IMMP2L: variants seen among roughly 807,000 people sequenced by gnomAD.
IMMP2L encodes the protein inner mitochondrial membrane peptidase subunit 2.
Under a neutral mutation model 19.3 loss-of-function variants are expected in IMMP2L, and 18 were observed. The ratio of observed to expected loss-of-function variants is 0.93; its 90% CI spans 0.64 to 1.38. The LOEUF is 1.38. IMMP2L is among the 40% of genes most tolerant of loss of function. The pLI, the probability that IMMP2L is intolerant of heterozygous loss-of-function variation, is 0.00. For missense variants in IMMP2L, 233 were observed against 218.2 expected (o/e 1.07, Z -0.43); for synonymous variants, 76 against 73.0 (o/e 1.04, Z -0.21).
intron 3 of IMMP2L, among the ~76,000 whole-genome samples, chr7:111,333,685 CAGTGTAGCCAG>C (rs1826101490): frequency 6.6e-6 from 1 of 152,072 alleles, no homozygotes. Context: ...AATCAGCTGA[CAGTGTAGCCAG>C]AATAAAAGCA....
chr7:111,103,783 T>G (rs568438895), intron 3 of IMMP2L, among the ~76,000 whole-genome samples: 2 of 151,770 alleles, frequency 1.3e-5, no homozygotes, highest in South Asian at 2.1e-4. Context: ...TATTTAATTT[T>G]CACAACATTC....
chr7:111,392,709 G>A, intron 3 of IMMP2L: 1 of 455,362 alleles, frequency 2.2e-6, no homozygotes, highest in South Asian at 1.6e-5. Context: ...GTCCAACTTG[G>A]CTATAAAGTC....
chr7:111,178,056 A>G (rs1023766290), intron 3 of IMMP2L, among the ~76,000 whole-genome samples: 3 of 152,088 alleles, frequency 2.0e-5, no homozygotes, highest in Non-Finnish European at 4.4e-5. Context: ...GGACATATAC[A>G]TACTTTTAAG....
chr7:111,331,672 TA>T (rs1380522205), intron 3 of IMMP2L, among the ~76,000 whole-genome samples: 1 of 151,880 alleles, frequency 6.6e-6, no homozygotes, highest in African/African-American at 2.4e-5. Flanking sequence ...TTATACTCCA[TA>T]AATTTATACA....
chr7:110,679,482 C>G (rs758173342), intron 5 of IMMP2L, among the ~76,000 whole-genome samples: 60 of 152,082 alleles, frequency 3.9e-4, no homozygotes, highest in Non-Finnish European at 6.9e-4. Context: ...CATATATATA[C>G]ATGAGTGGAG....
In IMMP2L at chr7:111,115,835, C is replaced by A. The variant is rs145801222; in HGVS notation, c.240-152270G>T. Among the ~76,000 whole-genome samples the A allele has an allele frequency of 8.9e-4, 135 of 151,964 alleles. 3 individuals carry two copies. In the East Asian group the frequency reaches 0.025, roughly 28 times the overall value. ...GATGTGCACCACCAACTCTAGCACA[C>A]CTGGCTAATTTTTGTATTTTTACTA... On this transcript the variant is annotated intron_variant, in intron 3 of 5. Coordinates refer to ENST00000405709, the MANE Select transcript of IMMP2L (RefSeq NM_032549.4).
At chr7:111,337,511 A>G (rs892300218) in intron 3 of IMMP2L, among the ~76,000 whole-genome samples, 7 of 152,016 alleles carry the variant, frequency 4.6e-5, no homozygotes, top group African/African-American at 1.4e-4. Context: ...AAATGGACCA[A>G]TGAATGGGCA....
chr7:111,159,295 T>C (rs1264834586), intron 3 of IMMP2L, among the ~76,000 whole-genome samples: 1 of 152,050 alleles, frequency 6.6e-6, no homozygotes, highest in Non-Finnish European at 1.5e-5. Flanking sequence ...TTTGTATTTT[T>C]AGTAGAGATG....
intron 3 of IMMP2L, among the ~76,000 whole-genome samples, chr7:111,080,886 A>G (rs962865683): frequency 6.6e-6 from 1 of 152,222 alleles, no homozygotes; most frequent in African/African-American, 2.4e-5. Context: ...AGTAAGTTTC[A>G]GTATTAGAAT....
At chr7:111,012,085 G>C (rs1197968040) in intron 3 of IMMP2L, among the ~76,000 whole-genome samples, 2 of 152,056 alleles carry the variant, frequency 1.3e-5, no homozygotes, top group African/African-American at 2.4e-5. Context: ...TGGGAAAAAA[G>C]GTACAGGGAG....
At position 111,065,932 on chromosome 7, in the gene IMMP2L, G is replaced by A. The variant is rs562443779; in HGVS notation, c.240-102367C>T. 4.1e-4 allele frequency among the ~76,000 whole-genome samples: 62 copies of A among 150,862 alleles called. No individual in the cohort carries two copies. The Middle Eastern group carries it at 0.01, about 25-fold the overall frequency. On this transcript the variant is annotated intron_variant, in intron 3 of 5. Transcript: ENST00000405709. ...TGTGTGTGCGCGCGCGTGTATGCGC[G>A]CGCACGCTTGGTTGGTTGGCTTGGC...
intron 4 of IMMP2L, among the ~76,000 whole-genome samples, chr7:110,908,090 C>T (rs1812661768): frequency 6.6e-6 from 1 of 152,038 alleles, no homozygotes; most frequent in African/African-American, 2.4e-5. Flanking sequence ...TGGGTAAACT[C>T]AGAAAAGAAG....
chr7:110,847,924 T>C (rs1023318358), intron 5 of IMMP2L, among the ~76,000 whole-genome samples: 3 of 152,002 alleles, frequency 2.0e-5, no homozygotes, highest in Admixed American at 6.6e-5. Context: ...AAATCAATCA[T>C]AGACCTAAAT....
chr7:111,337,522 G>C (rs1826561812), intron 3 of IMMP2L, among the ~76,000 whole-genome samples: 1 of 152,060 alleles, frequency 6.6e-6, no homozygotes, highest in Admixed American at 6.6e-5. Flanking sequence ...TGAATGGGCA[G>C]ATGGATGGAC....
At chr7:111,558,849 A>T (rs546194905) in intron 1 of IMMP2L, among the ~76,000 whole-genome samples, 45 of 152,314 alleles carry the variant, frequency 3.0e-4, no homozygotes, top group African/African-American at 1.1e-3. Flanking sequence ...TACATTGTTA[A>T]CTTTACAAAC....
chr7:110,783,529 A>C (rs1562972303), intron 5 of IMMP2L, among the ~76,000 whole-genome samples: 1 of 151,984 alleles, frequency 6.6e-6, no homozygotes, highest in East Asian at 2.0e-4. Flanking sequence ...AAAAAATTTA[A>C]ACAGTCTGAT....
At chr7:110,737,752 C>G (rs1796734072) in intron 5 of IMMP2L, among the ~76,000 whole-genome samples, 1 of 152,208 alleles carries the variant, frequency 6.6e-6, no homozygotes, top group African/African-American at 2.4e-5. Flanking sequence ...GGCCAACCAA[C>G]AAAAACCAGC....
At chr7:111,466,330 A>C in intron 3 of IMMP2L, among the ~76,000 whole-genome samples, 1 of 152,140 alleles carries the variant, frequency 6.6e-6, no homozygotes, top group East Asian at 1.9e-4. Flanking sequence ...GTACCCTAAA[A>C]CTTAAAGTAT....
intron 3 of IMMP2L, among the ~76,000 whole-genome samples, chr7:111,009,896 T>A (rs530428908): frequency 6.6e-6 from 1 of 152,262 alleles, no homozygotes; most frequent in African/African-American, 2.4e-5. Flanking sequence ...GTTTGTGTTC[T>A]GTAACACTGC....
Sources: allele counts gnomAD v4.1 joint callset (sites outside exome capture counted in the v4.1 genomes callset), GRCh38; gene constraint gnomAD v4.1.1; transcripts MANE v1.5; gene names NCBI Gene and HGNC (gene_info 2026-07-23, HGNC 2026-07-21).